The following SLC5A10 variants were observed in gnomAD, a reference collection of about 807,000 sequenced individuals.
SLC5A10 encodes solute carrier family 5 member 10, also known as sodium/mannose cotransporter SLC5A10.
In SLC5A10, 55 loss-of-function variants were observed where a neutral mutation model predicts 68.9. The observed-to-expected ratio is 0.80, with a 90% CI of 0.64 to 1.00. The LOEUF is 1.00. SLC5A10 is among the 50% of genes least tolerant of loss of function. SLC5A10 has a pLI of 0.00. For synonymous variants in SLC5A10, 344 were observed against 344.8 expected, an observed-to-expected ratio of 1.00 and a Z score of 0.02; for missense variants, 732 against 819.3, an observed-to-expected ratio of 0.89 and a Z score of 1.30.
In SLC5A10 at chr17:18,968,462, A is replaced by G. The variant is rs140636541; in HGVS notation, c.454-590A>G. 6.9e-3 allele frequency among the ~76,000 whole-genome samples: 1,047 copies of G among 152,292 alleles called. 12 individuals carry two copies. The highest frequency in any genetic ancestry group is 0.024 in the African/African-American group (988 of 41,558). On this transcript the variant is annotated intron_variant, in intron 5 of 14. Transcript: ENST00000395645. This position sits in a 1 kb window ranked among gnomAD's most constrained non-coding sequence, Gnocchi z 4.1. ...TAGCGCTCCTGCCTTTAGGAGGAGCAGCCACAGGTTCTGGGAGGGCAGGGG... is the reference window on the plus strand; with the variant it reads ...TAGCGCTCCTGCCTTTAGGAGGAGCGGCCACAGGTTCTGGGAGGGCAGGGG...
At chr17:18,975,267 C>A (rs544252167) in intron 8 of SLC5A10, among the ~76,000 whole-genome samples, 131 of 152,344 alleles carry the variant, frequency 8.6e-4, no homozygotes, top group African/African-American at 3.1e-3. Context: ...CAGCAGCTTG[C>A]CCTGCGTTCG....
rs1381882416 is a variant in SLC5A10 at position 19,021,510 on chromosome 17, A to T, written c.*1079A>T. 1 of 274,736 alleles carries T rather than the reference A, an allele frequency of 3.6e-6. No homozygotes were observed. The highest frequency in any genetic ancestry group is 6.8e-6 in the Non-Finnish European group (1 of 147,310). 17.0% of individuals were successfully genotyped at this position (274,736 alleles called of 1,614,324 possible). A position where few individuals can be genotyped will look rare whatever the true frequency, so the allele number is the denominator to read the frequency against. On this transcript the variant is annotated 3_prime_UTR_variant, in exon 15 of 15. Coordinates refer to ENST00000395645, the MANE Select transcript of SLC5A10 (RefSeq NM_001042450.4). The surrounding 1 kb of genome is among the most constrained non-coding windows in gnomAD (Gnocchi z 4.1). ...GCTGAGCCACCTCCCAACAGCCTGA[A>T]CAACTCCAGGGGCCTTTTGAGGGAG...
chr17:19,012,939 G>T (rs965960605), intron 9 of SLC5A10, among the ~76,000 whole-genome samples: 1 of 152,170 alleles, frequency 6.6e-6, no homozygotes, highest in African/African-American at 2.4e-5. Flanking sequence ...ACTCAAGCCG[G>T]CTGCCCATGG....
intron 5 of SLC5A10, among the ~76,000 whole-genome samples, chr17:18,962,817 GC>G (rs1214876122): frequency 6.6e-6 from 1 of 152,164 alleles, no homozygotes; most frequent in Non-Finnish European, 1.5e-5. Context: ...TGAGCCATGG[GC>G]ACAGGGTTCT....
In SLC5A10 at chr17:18,971,063, G is replaced by C; in HGVS notation, c.691G>C (p.Ala231Pro). 1 of 1,614,022 alleles carries C rather than the reference G, an allele frequency of 6.2e-7. No individual in the cohort carries two copies. Among genetic ancestry groups the C allele is most frequent in the Non-Finnish European group, 8.5e-7 (1 of 1,180,018 alleles). The change falls in exon 8 of 15, where the codon GCC becomes CCC. Residue 231 changes from alanine (A) to proline (P), a missense_variant. Physicochemically the swap from Ala to Pro is conservative, Grantham distance 27 (BLOSUM62 -1). Coordinates refer to ENST00000395645, the MANE Select transcript of SLC5A10 (RefSeq NM_001042450.4). This position sits in a 1 kb window ranked among gnomAD's most constrained non-coding sequence, Gnocchi z 5.5. ...GCAGCTGGAGGCAGCCTACGCCCAGGCCATTCCCTCCAGGACCATTGCCAA... is the reference window on the plus strand; with the variant it reads ...GCAGCTGGAGGCAGCCTACGCCCAGCCCATTCCCTCCAGGACCATTGCCAA... Reference protein sequence around the residue: ...YGQLEAAYAQAIPSRTIANTT... With the variant: ...YGQLEAAYAQPIPSRTIANTT...
intron 9 of SLC5A10, among the ~76,000 whole-genome samples, chr17:18,997,595 T>C (rs1439039783): frequency 1.3e-5 from 2 of 152,248 alleles, no homozygotes; most frequent in Non-Finnish European, 2.9e-5. Flanking sequence ...AGCATCCTAA[T>C]GCCCCAGAAA....
At chr17:18,972,347 T>C (rs924312775) in intron 8 of SLC5A10, among the ~76,000 whole-genome samples, 6 of 152,232 alleles carry the variant, frequency 3.9e-5, no homozygotes, top group South Asian at 2.1e-4. Context: ...CTCTGTGGAA[T>C]GAACGATCAC....
chr17:19,006,990 G>A (rs73982613), intron 9 of SLC5A10, among the ~76,000 whole-genome samples: 9,678 of 152,192 alleles, frequency 0.064, 1,025 homozygotes, highest in African/African-American at 0.22. Context: ...CTTGTTATGA[G>A]CATTCATACA....
rs1171017821 is a variant in SLC5A10 at position 19,004,802 on chromosome 17, G to T, written c.983-8608G>T. ...CGCGCCGGTGACTCAGGGCCGCCCC[G>T]CTTACCCCGCCGCCGCCACCTGCGG... On this transcript the variant is annotated intron_variant, in intron 9 of 14. Transcript: ENST00000395645. This position sits in a 1 kb window ranked among gnomAD's most constrained non-coding sequence, Gnocchi z 5.4. 7.9e-5 allele frequency: 12 copies of T among 151,172 alleles called. No homozygotes were observed. The highest frequency in any genetic ancestry group is 3.0e-5 in the Non-Finnish European group (2 of 67,710). 9.4% of individuals were successfully genotyped at this position (151,172 alleles called of 1,614,324 possible).
chr17:18,971,858 G>T lies in SLC5A10; in HGVS notation c.846+640G>T. On this transcript the variant is annotated intron_variant, in intron 8 of 14. Coordinates refer to ENST00000395645, the MANE Select transcript of SLC5A10 (RefSeq NM_001042450.4). This position sits in a 1 kb window ranked among gnomAD's most constrained non-coding sequence, Gnocchi z 5.5. ...CCGGCAGGCCCGGGTTCGCCTCCTGGCTCTGCCATTCACCAGGGAGTGGGC... is the reference window on the plus strand; with the variant it reads ...CCGGCAGGCCCGGGTTCGCCTCCTGTCTCTGCCATTCACCAGGGAGTGGGC... 8.2e-7 allele frequency: 1 copy of T among 1,219,506 alleles called. No homozygotes were observed. The highest frequency in any genetic ancestry group is 1.1e-6 in the Non-Finnish European group (1 of 891,598). 75.5% of individuals were successfully genotyped at this position (1,219,506 alleles called of 1,614,324 possible).
chr17:18,965,703 G>A (rs1220377095), intron 5 of SLC5A10, among the ~76,000 whole-genome samples: 3 of 152,202 alleles, frequency 2.0e-5, no homozygotes, highest in Non-Finnish European at 2.9e-5. Flanking sequence ...CCTGTGTACT[G>A]GGCTCCCGCC....
intron 9 of SLC5A10, among the ~76,000 whole-genome samples, chr17:18,986,736 C>T (rs544655159): frequency 7.1e-4 from 108 of 152,364 alleles, no homozygotes; most frequent in Non-Finnish European, 7.1e-4. Context: ...TCCCTGCTTG[C>T]GTCTGCACGC....
rs2044106357 is a variant in SLC5A10, at chr17:19,015,069, G to A, written c.1111G>A (p.Ala371Thr). Reference protein sequence around the residue: ...MPIGLRGLMIAVMLAALMSSL... With the variant: ...MPIGLRGLMITVMLAALMSSL... The stretch of plus-strand genomic sequence containing the variant: ...CCCAGGTCTGCGGGGGCTGATGATC[G>A]CAGTGATGCTGGCGGCGCTCATGTC... Residue 371 changes from alanine (A) to threonine (T), a missense_variant, in exon 11 of 15, where the codon GCA becomes ACA. Ala to Thr is a moderately conservative substitution (Grantham distance 58, BLOSUM62 0). Coordinates refer to ENST00000395645, the MANE Select transcript of SLC5A10 (RefSeq NM_001042450.4). 3 of 1,613,730 alleles carry A rather than the reference G, an allele frequency of 1.9e-6. No individual in the cohort carries two copies. Among genetic ancestry groups the A allele is most frequent in the Non-Finnish European group, 2.5e-6 (3 of 1,179,808 alleles).
At position 19,017,348 on chromosome 17, in the gene SLC5A10, C is replaced by T; in HGVS notation, c.1242-2075C>T. On this transcript the variant is annotated intron_variant, in intron 11 of 14. Coordinates refer to ENST00000395645, the MANE Select transcript of SLC5A10 (RefSeq NM_001042450.4). This position sits in a 1 kb window ranked among gnomAD's most constrained non-coding sequence, Gnocchi z 5.6. ...TCTCAGCTTCCTCCTGCCCGAAACA[C>T]CACCATTGGAGCGGTATCTCCTAGG... 6.4e-7 allele frequency: 1 copy of T among 1,552,028 alleles called. No individual in the cohort carries two copies. Among genetic ancestry groups the T allele is most frequent in the Non-Finnish European group, 8.7e-7 (1 of 1,147,070 alleles).
intron 9 of SLC5A10, chr17:18,979,788 A>G: frequency 1.7e-6 from 2 of 1,210,460 alleles, no homozygotes; most frequent in Middle Eastern, 2.7e-4. Context: ...TCAGGAGGGG[A>G]AGAAAGAGGC....
At chr17:19,002,299 G>A (rs2043750574) in intron 9 of SLC5A10, among the ~76,000 whole-genome samples, 1 of 152,032 alleles carries the variant, frequency 6.6e-6, no homozygotes, top group Admixed American at 6.6e-5. Context: ...GGGGCCAGGC[G>A]CCCCCACCCA....
intron 9 of SLC5A10, among the ~76,000 whole-genome samples, chr17:18,981,788 G>A (rs2043140455): frequency 6.6e-6 from 1 of 151,992 alleles, no homozygotes; most frequent in African/African-American, 2.4e-5. Context: ...CCCGCAGGCT[G>A]CAGGTTTGCA....
chr17:18,962,602 G>GT (rs1200343411), intron 5 of SLC5A10, among the ~76,000 whole-genome samples: 1 of 152,164 alleles, frequency 6.6e-6, no homozygotes, highest in Non-Finnish European at 1.5e-5. Context: ...AGGTCTGATT[G>GT]TAAGAGGTTG....
At chr17:18,990,621 A>G (rs2043394017) in intron 9 of SLC5A10, among the ~76,000 whole-genome samples, 1 of 152,222 alleles carries the variant, frequency 6.6e-6, no homozygotes, top group Non-Finnish European at 1.5e-5. Context: ...TCAGCCAGGC[A>G]GGGTGCCTGA....
Sources: allele counts gnomAD v4.1 joint callset (sites outside exome capture counted in the v4.1 genomes callset), GRCh38; gene constraint gnomAD v4.1.1; non-coding constraint Gnocchi (gnomAD v3.1); transcripts MANE v1.5; gene names NCBI Gene and HGNC (gene_info 2026-07-23, HGNC 2026-07-21).